The following PASK variants were observed in gnomAD, a reference collection of about 807,000 sequenced individuals.
The protein encoded by PASK is PAS domain containing serine/threonine kinase, also known as PAS domain-containing serine/threonine-protein kinase.
Under a neutral mutation model 121.0 loss-of-function variants are expected in PASK, and 110 were observed. That is an observed-to-expected ratio of 0.91 (90% CI 0.78 to 1.06). The LOEUF (loss-of-function observed/expected upper bound fraction) is 1.06, where lower values mean the gene tolerates loss of function less well. Among genes scored for constraint, PASK ranks in the 50% least tolerant of loss-of-function variants. The pLI is 0.00. For synonymous variants in PASK, 686 were observed against 717.8 expected (o/e 0.96, Z 0.71); for missense variants, 1,643 against 1,702.3 (o/e 0.97, Z 0.61).
Position 241,113,757 on chromosome 2 carries a change from A to G in PASK, c.3333+1286T>C, listed in dbSNP as rs1443554808. ...GATGCTTCTGTGCCCTGGACTGGCC[A>G]TGCTGCCCTGGAGCGGCCTGAACCA... On this transcript the variant is annotated intron_variant, in intron 14 of 17. Transcript: ENST00000234040. 3.0e-6 allele frequency: 3 copies of G among 985,358 alleles called. No homozygotes were observed. In the Admixed American group the frequency reaches 1.8e-4, roughly 61 times the overall value. 61.0% of individuals were successfully genotyped at this position (985,358 alleles called of 1,614,324 possible).
chr2:241,136,952 C>T lies in PASK; in HGVS notation c.1137+52G>A, dbSNP rs2066462406. 5 of 1,574,266 alleles carry T rather than the reference C, an allele frequency of 3.2e-6. No individual in the cohort carries two copies. In the South Asian group the frequency reaches 3.3e-5, roughly 10 times the overall value. On this transcript the variant is annotated intron_variant, in intron 7 of 17. Coordinates refer to ENST00000234040, the MANE Select transcript of PASK (RefSeq NM_015148.4). Reference sequence around the variant, plus strand: ...CCACACGCAAGCCCGCACTGCAGAGCACAGCAGCTTCCTCCCAGGGAACGG... The same window carrying T: ...CCACACGCAAGCCCGCACTGCAGAGTACAGCAGCTTCCTCCCAGGGAACGG...
chr2:241,119,850 T>C (rs1462004773), intron 12 of PASK, among the ~76,000 whole-genome samples: 3 of 152,044 alleles, frequency 2.0e-5, no homozygotes, highest in Non-Finnish European at 4.4e-5. Context: ...AAGGGCCCTC[T>C]GTCTACACCC....
In PASK at chr2:241,108,687, C is replaced by A; in HGVS notation, c.3534-387G>T. On this transcript the variant is annotated intron_variant, in intron 15 of 17. Transcript: ENST00000234040. The surrounding 1 kb of genome is among the most constrained non-coding windows in gnomAD (Gnocchi z 5.2). ...CCACTTCAGAACAGGGTCACGTGCC[C>A]TTCAGACGTGATCAGGCATGTTCAC... 1 of 362,986 alleles carries A rather than the reference C, an allele frequency of 2.8e-6. No individual in the cohort carries two copies. 22.5% of individuals were successfully genotyped at this position (362,986 alleles called of 1,614,324 possible).
intron 5 of PASK, 130 bp downstream of exon 5, chr2:241,138,524 G>A (rs1346356046): frequency 3.7e-6 from 4 of 1,089,314 alleles, no homozygotes; most frequent in East Asian, 2.4e-5. Flanking sequence ...GGGTACCACT[G>A]GGCAGACCCT....
rs750106237 is a variant in PASK at position 241,108,196 on chromosome 2, G to T, written c.3638C>A (p.Ala1213Asp). The stretch of plus-strand genomic sequence containing the variant: ...GGACACCAGGTATGGCGGGTGTATG[G>T]CAGCCTCCACGGTCTCCTCCAGCTC... ...FCELEETVEA[A>D]IHPPYLVSKE... The change falls in exon 16 of 18, where the codon GCC (alanine) becomes GAC (aspartate). Residue 1213 changes from alanine (A) to aspartate (D), a missense_variant. Ala to Asp is a moderately radical substitution (Grantham distance 126, BLOSUM62 -2). Transcript: ENST00000234040. This position sits in a 1 kb window ranked among gnomAD's most constrained non-coding sequence, Gnocchi z 5.2. The T allele has an allele frequency of 6.2e-7, 1 of 1,613,874 alleles. No homozygotes were observed. The highest frequency in any genetic ancestry group is 1.3e-5 in the African/African-American group (1 of 75,028).
At chr2:241,135,725 AAC>A (rs2066383981) in intron 8 of PASK, 144 bp downstream of exon 8, 1 of 639,338 alleles carries the variant, frequency 1.6e-6, no homozygotes, top group Non-Finnish European at 2.7e-6. Flanking sequence ...CAAACCAGAA[AAC>A]AGTCACCCCC....
intron 2 of PASK, among the ~76,000 whole-genome samples, chr2:241,142,412 G>A (rs1168357603): frequency 6.6e-6 from 1 of 152,214 alleles, no homozygotes; most frequent in East Asian, 1.9e-4. Context: ...CTGGACATAG[G>A]AGGCACCAAC....
chr2:241,135,744 G>A (rs562378204), intron 8 of PASK, 127 bp downstream of exon 8: 46 of 818,092 alleles, frequency 5.6e-5, no homozygotes, highest in Non-Finnish European at 7.0e-5. Context: ...CCCCTACTCC[G>A]CCCCCCACCA....
Position 241,112,706 on chromosome 2 carries a change from T to A in PASK, c.3334-267A>T. Reference sequence around the variant, plus strand: ...GAGACTCGTGAGTTCTGTTTGCTGCTGAGAAAAGCTTCCCAGCAGACACTC... The same window carrying A: ...GAGACTCGTGAGTTCTGTTTGCTGCAGAGAAAAGCTTCCCAGCAGACACTC... On this transcript the variant is annotated intron_variant, in intron 14 of 17. Transcript: ENST00000234040. The surrounding 1 kb of genome is among the most constrained non-coding windows in gnomAD (Gnocchi z 5.2). The A allele has an allele frequency of 2.3e-6, 1 of 427,652 alleles. No homozygotes were observed. Among genetic ancestry groups the A allele is most frequent in the Non-Finnish European group, 4.3e-6 (1 of 233,742 alleles). 26.5% of individuals were successfully genotyped at this position (427,652 alleles called of 1,614,324 possible). A position where few individuals can be genotyped will look rare whatever the true frequency, so the allele number is the denominator to read the frequency against.
rs2065134496 is a variant in PASK at position 241,112,108 on chromosome 2, C to T, written c.3533+132G>A. The T allele has an allele frequency of 2.7e-6, 2 of 752,842 alleles. No homozygotes were observed. Among genetic ancestry groups the T allele is most frequent in the South Asian group, 2.9e-5 (2 of 68,990 alleles). 46.6% of individuals were successfully genotyped at this position (752,842 alleles called of 1,614,324 possible). A position where few individuals can be genotyped will look rare whatever the true frequency, so the allele number is the denominator to read the frequency against. On this transcript the variant is annotated intron_variant, in intron 15 of 17. Transcript: ENST00000234040. The surrounding 1 kb of genome is among the most constrained non-coding windows in gnomAD (Gnocchi z 5.2). ...GCCTGCCTGCCCACTTACTTTCCAG[C>T]ATATCACCCTGACCACTCAACACTC...
chr2:241,139,765 C>A, intron 4 of PASK, 120 bp downstream of exon 4: 1 of 921,514 alleles, frequency 1.1e-6, no homozygotes, highest in Admixed American at 2.0e-5. Flanking sequence ...GCTGAAGAAG[C>A]TGAGATGTCC....
chr2:241,144,601 G>C (rs758073), intron 1 of PASK, among the ~76,000 whole-genome samples: 3 of 152,104 alleles, frequency 2.0e-5, no homozygotes, highest in African/African-American at 7.2e-5. Flanking sequence ...TTTCCACCCA[G>C]GTCCTCCCAC....
intron 9 of PASK, among the ~76,000 whole-genome samples, chr2:241,132,527 TAAAAAAAAAA>T (rs71049553): frequency 2.3e-3 from 91 of 39,530 alleles, no homozygotes; most frequent in Middle Eastern, 0.025. Flanking sequence ...AGACTCTGTC[TAAAAAAAAAA>T]AAAAAAAAAA....
At chr2:241,142,409 T>G (rs2074831) in intron 2 of PASK, among the ~76,000 whole-genome samples, 6,828 of 151,790 alleles carry the variant, frequency 0.045, 706 homozygotes, top group East Asian at 0.45. Flanking sequence ...AATCTGGACA[T>G]AGGAGGCACC....
At chr2:241,137,540 G>C (rs1303196738) in intron 6 of PASK, among the ~76,000 whole-genome samples, 1 of 152,146 alleles carries the variant, frequency 6.6e-6, no homozygotes, top group Admixed American at 6.6e-5. Context: ...GGCACCAGCA[G>C]GGAGGGAGGG....
intron 14 of PASK, chr2:241,114,674 C>A (rs897461128): frequency 8.4e-6 from 10 of 1,191,872 alleles, no homozygotes; most frequent in Non-Finnish European, 1.0e-5. Flanking sequence ...TGGGCACTTA[C>A]AACCTGCAGG....
intron 12 of PASK, chr2:241,118,907 G>C: frequency 1.9e-6 from 2 of 1,032,894 alleles, no homozygotes; most frequent in Non-Finnish European, 2.4e-6. Context: ...TGGCTGCCGA[G>C]ATCTTCTCAT....
chr2:241,126,634 AG>A lies in PASK; in HGVS notation c.2280del (p.Cys761ValfsTer21). 6.2e-7 allele frequency: 1 copy of A among 1,614,240 alleles called. No homozygotes were observed. The highest frequency in any genetic ancestry group is 2.2e-5 in the East Asian group (1 of 44,882). On this transcript the variant is annotated frameshift_variant, in exon 10 of 18. Transcript: ENST00000234040. LOFTEE classifies it high-confidence loss of function. ...DQTDQTSSNC[S>X]CATSELRETP... ...GTCTCTCTGAGTTCAGACGTAGCAC[AG>A]GAACAATTTGATGACGTTTGGTCTG...
chr2:241,110,563 C>T lies in PASK; in HGVS notation c.3533+1677G>A, dbSNP rs186207913. Among the ~76,000 whole-genome samples the T allele has an allele frequency of 1.5e-3, 232 of 152,270 alleles. 2 individuals carry two copies. The highest frequency in any genetic ancestry group is 5.1e-3 in the African/African-American group (213 of 41,554). On this transcript the variant is annotated intron_variant, in intron 15 of 17. Coordinates refer to ENST00000234040, the MANE Select transcript of PASK (RefSeq NM_015148.4). ...CAGGGCAGAGCCCTGGCAGGGCAGG[C>T]GCTCAGGGAGAGGGTGGGAGCCACA...
Sources: allele counts gnomAD v4.1 joint callset (sites outside exome capture counted in the v4.1 genomes callset), GRCh38; gene constraint gnomAD v4.1.1; non-coding constraint Gnocchi (gnomAD v3.1); transcripts MANE v1.5; gene names NCBI Gene and HGNC (gene_info 2026-07-23, HGNC 2026-07-21).